PDZD2: variants seen among roughly 807,000 people sequenced by gnomAD.
PDZD2 encodes the protein PDZ domain-containing protein 2.
A neutral mutation model predicts 220.7 loss-of-function variants in PDZD2; 90 were observed. That is an observed-to-expected ratio of 0.41 (90% confidence interval 0.34 to 0.49). The LOEUF (loss-of-function observed/expected upper bound fraction) is 0.49, where lower values mean the gene tolerates loss of function less well. PDZD2 is among the 20% of genes least tolerant of loss of function. The probability of loss-of-function intolerance (pLI) is 0.28; values close to 1 mark genes in which losing one functional copy is unlikely to be tolerated. For synonymous variants in PDZD2, 1,375 were observed against 1,450.5 expected (o/e 0.95, Z 1.18); for missense variants, 3,174 against 3,608.5 (o/e 0.88, Z 3.08).
In PDZD2 at chr5:32,110,773, T is replaced by TGTAAA. The variant is rs1745314305; in HGVS notation, c.*2644_*2648dup. On this transcript the variant is annotated 3_prime_UTR_variant, in exon 25 of 25. Transcript: ENST00000438447. ...GATATTATACATTAACCTTTATTTA[T>TGTAAA]GTAAAGTAAAATGCCTTATATATTA... The TGTAAA allele has an allele frequency of 5.2e-5, 8 of 152,632 alleles. No individual in the cohort carries two copies. The allele number at this position is 152,632 out of a possible 1,614,324, so 9.5% of individuals were successfully genotyped here. A position where few individuals can be genotyped will look rare whatever the true frequency, so the allele number is the denominator to read the frequency against.
intron 1 of PDZD2, among the ~76,000 whole-genome samples, chr5:31,650,290 T>G (rs1196005238): frequency 3.3e-5 from 5 of 152,166 alleles, no homozygotes; most frequent in African/African-American, 4.8e-5. Context: ...AACAGAGGCT[T>G]GGAAAGGCTA....
chr5:31,667,413 A>T (rs1190461448), intron 1 of PDZD2, among the ~76,000 whole-genome samples: 1 of 151,942 alleles, frequency 6.6e-6, no homozygotes, highest in Non-Finnish European at 1.5e-5. Context: ...TGTGCAATAA[A>T]ACTTCAGGTG....
intron 1 of PDZD2, among the ~76,000 whole-genome samples, chr5:31,695,108 A>T (rs907995101): frequency 1.1e-4 from 16 of 151,982 alleles, no homozygotes; most frequent in African/African-American, 3.9e-4. Flanking sequence ...TGGGTGACAG[A>T]GCGAGACTCC....
intron 2 of PDZD2, among the ~76,000 whole-genome samples, chr5:31,928,302 C>T (rs1029868050): frequency 1.3e-5 from 2 of 152,174 alleles, no homozygotes; most frequent in African/African-American, 4.8e-5. Flanking sequence ...CTGCTGACCT[C>T]AGGTGATCCA....
chr5:32,008,041 A>C (rs1581263426), intron 5 of PDZD2, among the ~76,000 whole-genome samples: 1 of 152,054 alleles, frequency 6.6e-6, no homozygotes, highest in African/African-American at 2.4e-5. Context: ...TGTAATCCCA[A>C]CACTTCGGGA....
chr5:31,971,523 G>A (rs1749296509), intron 2 of PDZD2, among the ~76,000 whole-genome samples: 1 of 152,136 alleles, frequency 6.6e-6, no homozygotes, highest in Non-Finnish European at 1.5e-5. Flanking sequence ...GTACCATCTC[G>A]ACTCCTCACA....
rs1369464085 is a variant in PDZD2 at position 31,868,199 on chromosome 5, ACTT to A, written c.476+68476_476+68478del. Reference sequence around the variant, plus strand: ...GGTGGCTCATGCCTGTAATCCCAGCACTTTGGGAGGCTGAGGTGGGTGGATCAC... The same window carrying A: ...GGTGGCTCATGCCTGTAATCCCAGCATGGGAGGCTGAGGTGGGTGGATCAC... On this transcript the variant is annotated intron_variant, in intron 2 of 24. Coordinates refer to ENST00000438447, the MANE Select transcript of PDZD2 (RefSeq NM_178140.4). Among the ~76,000 whole-genome samples, 3 of 152,298 alleles carry A rather than the reference ACTT, an allele frequency of 2.0e-5. No homozygotes were observed. The East Asian group carries it at 5.8e-4, about 29-fold the overall frequency.
At chr5:31,698,497 G>A (rs1436333834) in intron 1 of PDZD2, among the ~76,000 whole-genome samples, 1 of 151,246 alleles carries the variant, frequency 6.6e-6, no homozygotes, top group Non-Finnish European at 1.5e-5. Flanking sequence ...TACTCGGGAG[G>A]CTGAGGCAGG....
chr5:31,801,950 T>C (rs867906237), intron 2 of PDZD2, among the ~76,000 whole-genome samples: 2 of 152,196 alleles, frequency 1.3e-5, no homozygotes, highest in South Asian at 2.1e-4. Flanking sequence ...CAATGGAGGA[T>C]TCCTTGATAT....
At chr5:31,851,245 AAG>A (rs1241487846) in intron 2 of PDZD2, among the ~76,000 whole-genome samples, 2 of 152,136 alleles carry the variant, frequency 1.3e-5, no homozygotes, top group African/African-American at 4.8e-5. Context: ...ACCCACCAGT[AAG>A]AGTCTGTCTG....
intron 2 of PDZD2, among the ~76,000 whole-genome samples, chr5:31,935,216 C>A (rs1745621128): frequency 6.6e-6 from 1 of 152,040 alleles, no homozygotes; most frequent in South Asian, 2.1e-4. Flanking sequence ...AATGTCATTC[C>A]CATTTAAGTT....
chr5:31,872,933 G>C (rs1460975430), intron 2 of PDZD2, among the ~76,000 whole-genome samples: 1 of 152,136 alleles, frequency 6.6e-6, no homozygotes, highest in East Asian at 1.9e-4. Context: ...ACTAGTAGGG[G>C]AGATGATTGA....
chr5:31,775,363 C>T (rs931213210), intron 1 of PDZD2, among the ~76,000 whole-genome samples: 1 of 151,874 alleles, frequency 6.6e-6, no homozygotes, highest in South Asian at 2.1e-4. Flanking sequence ...TAATGTGATG[C>T]TGCAGAAGCA....
intron 1 of PDZD2, among the ~76,000 whole-genome samples, chr5:31,794,456 A>G (rs1406541918): frequency 1.5e-5 from 2 of 131,982 alleles, no homozygotes; most frequent in Non-Finnish European, 1.5e-5. Context: ...GCTGGAGTGC[A>G]GTGGCACGAT....
At chr5:31,883,123 G>C (rs1011200240) in intron 2 of PDZD2, among the ~76,000 whole-genome samples, 1 of 149,782 alleles carries the variant, frequency 6.7e-6, no homozygotes, top group Non-Finnish European at 1.5e-5. Flanking sequence ...GATGGGGAGA[G>C]ACAGGAAGTT....
chr5:31,834,983 A>T (rs1756861504), intron 2 of PDZD2, among the ~76,000 whole-genome samples: 1 of 151,898 alleles, frequency 6.6e-6, no homozygotes, highest in African/African-American at 2.4e-5. Flanking sequence ...AGTTGGTCTA[A>T]ATAAGGAGTG....
intron 2 of PDZD2, among the ~76,000 whole-genome samples, chr5:31,978,684 T>C (rs1050266018): frequency 1.4e-5 from 2 of 139,242 alleles, no homozygotes; most frequent in Admixed American, 7.6e-5. Flanking sequence ...CGCTGCCCTC[T>C]AGCCTGGGCG....
At chr5:31,888,292 A>C (rs1740705922) in intron 2 of PDZD2, among the ~76,000 whole-genome samples, 1 of 152,114 alleles carries the variant, frequency 6.6e-6, no homozygotes, top group African/African-American at 2.4e-5. Context: ...TACTGGGTTC[A>C]AGTAATTCTC....
chr5:31,860,686 G>A (rs1205520278), intron 2 of PDZD2, among the ~76,000 whole-genome samples: 1 of 152,202 alleles, frequency 6.6e-6, no homozygotes, highest in Non-Finnish European at 1.5e-5. Context: ...ACCAGCCGCT[G>A]AAGAATGGTG....
Sources: allele counts gnomAD v4.1 joint callset (sites outside exome capture counted in the v4.1 genomes callset), GRCh38; gene constraint gnomAD v4.1.1; transcripts MANE v1.5; gene names NCBI Gene and HGNC (gene_info 2026-07-23, HGNC 2026-07-21).